SYNE2: variants seen among roughly 807,000 people sequenced by gnomAD.
SYNE2 encodes nesprin-2.
A neutral mutation model predicts 856.3 loss-of-function variants in SYNE2; 431 were observed. That is an observed-to-expected ratio of 0.50 (90% confidence interval 0.47 to 0.55). The LOEUF (loss-of-function observed/expected upper bound fraction) is 0.55, where lower values mean the gene tolerates loss of function less well. Among genes scored for constraint, SYNE2 ranks in the 20% least tolerant of loss-of-function variants. The pLI, the probability that SYNE2 is intolerant of heterozygous loss-of-function variation, is 0.00. For missense variants in SYNE2, 8,129 were observed against 8,023.2 expected (o/e 1.01, Z -0.50); for synonymous variants, 2,923 against 2,872.3 (o/e 1.02, Z -0.56).
intron 54 of SYNE2, among the ~76,000 whole-genome samples, chr14:64,077,735 A>G (rs1292710488): frequency 6.6e-6 from 1 of 152,200 alleles, no homozygotes; most frequent in Non-Finnish European, 1.5e-5. Flanking sequence ...TCAAATAGCA[A>G]AACAAGAACA....
chr14:63,879,562 A>C (rs2094810413), intron 1 of SYNE2, among the ~76,000 whole-genome samples: 1 of 152,224 alleles, frequency 6.6e-6, no homozygotes, highest in Non-Finnish European at 1.5e-5. Context: ...GAGGGTGGGA[A>C]AGCCGATCTG....
chr14:64,220,832 G>C (rs1375361044), intron 111 of SYNE2, among the ~76,000 whole-genome samples, 195 bp downstream of exon 111: 1 of 152,132 alleles, frequency 6.6e-6, no homozygotes, highest in Non-Finnish European at 1.5e-5. Context: ...CCCAGGTCTC[G>C]TCTCTGTTGC....
At chr14:64,183,257 A>G (rs1395831601) in intron 96 of SYNE2, among the ~76,000 whole-genome samples, 2 of 121,602 alleles carry the variant, frequency 1.6e-5, no homozygotes, top group Non-Finnish European at 1.7e-5. Flanking sequence ...CCGGGCAGAG[A>G]CTCCCCTCAC....
At chr14:64,010,795 C>T (rs1405739229) in intron 32 of SYNE2, among the ~76,000 whole-genome samples, 2 of 152,140 alleles carry the variant, frequency 1.3e-5, no homozygotes, top group East Asian at 1.9e-4. Context: ...CGCAACAACA[C>T]GCCCAGCTAA....
intron 8 of SYNE2, among the ~76,000 whole-genome samples, chr14:63,959,225 GCC>G (rs2096277394): frequency 1.1e-4 from 8 of 72,966 alleles, no homozygotes; most frequent in Admixed American, 5.5e-4. Context: ...TAAGCTCACA[GCC>G]AATGTGAACT....
At position 64,016,349 on chromosome 14, in the gene SYNE2, T is replaced by A. The variant is rs376161290; in HGVS notation, c.4729-124T>A. ...AAAAACGTACTTTAAAAAAGAACAA[T>A]GTAAGAAGGTATTATGCTTTGTTGG... On this transcript the variant is annotated intron_variant, in intron 32 of 115. Transcript: ENST00000555002. 5.9e-5 allele frequency: 38 copies of A among 647,420 alleles called. No homozygotes were observed. The African/African-American group carries it at 6.5e-4, about 11-fold the overall frequency. The allele number at this position is 647,420 out of a possible 1,614,324, so 40.1% of individuals were successfully genotyped here. A position where few individuals can be genotyped will look rare whatever the true frequency, so the allele number is the denominator to read the frequency against.
Position 64,022,021 on chromosome 14 carries a change from A to G in SYNE2, c.5517A>G (p.Leu1839=). The G allele has an allele frequency of 6.2e-7, 1 of 1,613,608 alleles. No homozygotes were observed. The highest frequency in any genetic ancestry group is 8.5e-7 in the Non-Finnish European group (1 of 1,179,730). The change falls in exon 37 of 116, where the codon TTA becomes TTG. Residue 1839 remains leucine (L), a synonymous_variant. Transcript: ENST00000555002. ...KSVLQDHFSK[L]LNDQCKNFND... ...TTTTGCAAGATCACTTTTCTAAGTT[A>G]TTGAATGGTGAGTGCAACATTTCTC...
intron 1 of SYNE2, among the ~76,000 whole-genome samples, chr14:63,888,763 T>C (rs1313768111): frequency 6.6e-6 from 1 of 152,214 alleles, no homozygotes; most frequent in African/African-American, 2.4e-5. Flanking sequence ...CTAATCCTTG[T>C]TGTTCTTTTC....
At chr14:63,861,948 G>C (rs759104358) in intron 1 of SYNE2, among the ~76,000 whole-genome samples, 2 of 152,142 alleles carry the variant, frequency 1.3e-5, no homozygotes, top group Non-Finnish European at 2.9e-5. Context: ...ATAGTAAAAT[G>C]TACTATTGCA....
At position 63,978,837 on chromosome 14, in the gene SYNE2, T is replaced by C. The variant is rs537583390; in HGVS notation, c.1407-15T>C. 1.2e-6 allele frequency: 2 copies of C among 1,607,732 alleles called. No homozygotes were observed. The highest frequency in any genetic ancestry group is 1.7e-6 in the Non-Finnish European group (2 of 1,175,416). The stretch of plus-strand genomic sequence containing the variant: ...TAATATTAAGTTAAATTCCAAAACC[T>C]GCACTGTTTTCCAGAATCAACAACA... On this transcript the variant is annotated splice_polypyrimidine_tract_variant and intron_variant, in intron 13 of 115. Transcript: ENST00000555002.
intron 99 of SYNE2, among the ~76,000 whole-genome samples, chr14:64,197,634 G>A (rs1442859057): frequency 6.6e-6 from 1 of 152,070 alleles, no homozygotes; most frequent in African/African-American, 2.4e-5. Flanking sequence ...GAATTTTTTT[G>A]TTCACTTAGA....
rs778842034 is a variant in SYNE2 at position 64,186,553 on chromosome 14, A to C, written c.17686A>C (p.Arg5896=). 6.2e-7 allele frequency: 1 copy of C among 1,614,236 alleles called. No individual in the cohort carries two copies. Among genetic ancestry groups the C allele is most frequent in the South Asian group, 1.1e-5 (1 of 91,082 alleles). ...GAAGGAGCAAATAGAGCATTTGCAC[A>C]GACAATGGGAGGACCTCTGCTTAAG... The part of the protein sequence containing the change: ...VLKEQIEHLH[R]QWEDLCLRVA... Residue 5896 remains arginine, a synonymous_variant, in exon 97 of 116, where the codon AGA becomes CGA. Coordinates refer to ENST00000555002, the MANE Select transcript of SYNE2 (RefSeq NM_182914.3).
intron 2 of SYNE2, among the ~76,000 whole-genome samples, chr14:63,931,551 A>G (rs1249180360): frequency 2.6e-5 from 3 of 117,520 alleles, no homozygotes; most frequent in Non-Finnish European, 5.2e-5. Context: ...CTCTGTCTCA[A>G]AAAAAAAAAA....
Position 64,065,434 on chromosome 14 carries a change from C to G in SYNE2, c.10215C>G (p.Ala3405=), listed in dbSNP as rs764884155. 6.2e-7 allele frequency: 1 copy of G among 1,613,764 alleles called. No individual in the cohort carries two copies. The highest frequency in any genetic ancestry group is 1.1e-5 in the South Asian group (1 of 91,076). The part of the protein sequence containing the change: ...EALERLEQSK[A]LVSNLISTKE... ...TTTTTTTTCTTTTCTTTCTTAAGGC[C>G]TTGGTGTCAAATCTTATATCAACCA... is the stretch of plus-strand genomic sequence containing the variant. Residue 3405 remains alanine (A), a splice_region_variant and synonymous_variant, in exon 51 of 116, where the codon GCC becomes GCG. Transcript: ENST00000555002.
intron 1 of SYNE2, among the ~76,000 whole-genome samples, chr14:63,895,088 C>T (rs1033194667): frequency 4.0e-5 from 6 of 149,856 alleles, no homozygotes; most frequent in African/African-American, 1.5e-4. Context: ...ATTGAAAGCA[C>T]ATAAATTTCC....
intron 86 of SYNE2, 126 bp from the exon 87 acceptor site, chr14:64,159,186 A>G: frequency 7.7e-7 from 1 of 1,296,254 alleles, no homozygotes; most frequent in Non-Finnish European, 1.1e-6. Context: ...CACATTCCTA[A>G]TAGTTTATCA....
chr14:64,103,180 T>C (rs893780071), intron 64 of SYNE2, among the ~76,000 whole-genome samples: 1 of 152,178 alleles, frequency 6.6e-6, no homozygotes, highest in Non-Finnish European at 1.5e-5. Context: ...TATTGTGTAC[T>C]TAATAACAGG....
intron 31 of SYNE2, 81 bp downstream of exon 31, chr14:64,007,303 A>T: frequency 1.5e-6 from 2 of 1,352,990 alleles, no homozygotes; most frequent in Admixed American, 3.4e-5. Context: ...TGGGTTGAAA[A>T]CACATCTCCG....
chr14:63,835,918 G>A (rs1282019066), intron 1 of SYNE2, among the ~76,000 whole-genome samples: 1 of 149,908 alleles, frequency 6.7e-6, no homozygotes, highest in Non-Finnish European at 1.5e-5. Context: ...GGGAGGCAGA[G>A]GTTGCAGTGA....
Sources: allele counts gnomAD v4.1 joint callset (sites outside exome capture counted in the v4.1 genomes callset), GRCh38; gene constraint gnomAD v4.1.1; transcripts MANE v1.5; gene names NCBI Gene and HGNC (gene_info 2026-07-23, HGNC 2026-07-21).